The following CLEC4G variants were observed in gnomAD, a reference collection of about 807,000 sequenced individuals.
The protein encoded by CLEC4G is C-type lectin superfamily 4, member G.
In CLEC4G, 34 loss-of-function variants were observed where a neutral mutation model predicts 37.0. The observed-to-expected ratio is 0.92, with a 90% CI of 0.70 to 1.22. The LOEUF is 1.22. Ranked by LOEUF, CLEC4G falls within the 50% of genes most tolerant of loss-of-function variation. The pLI, the probability that CLEC4G is intolerant of heterozygous loss-of-function variation, is 0.00. For missense variants in CLEC4G, 390 were observed against 392.9 expected (o/e 0.99, Z 0.06); for synonymous variants, 167 against 165.6 (o/e 1.01, Z -0.06).
intron 2 of CLEC4G, 108 bp downstream of exon 2, chr19:7,731,553 C>T (rs1292280088): frequency 1.7e-5 from 25 of 1,496,132 alleles, no homozygotes; most frequent in Middle Eastern, 1.7e-4. Context: ...ACTCTGCTCA[C>T]ACTCAGACGC....
chr19:7,731,966 T>C, intron 1 of CLEC4G, 82 bp downstream of exon 1: 5 of 1,463,040 alleles, frequency 3.4e-6, no homozygotes, highest in Non-Finnish European at 4.8e-6. Context: ...CCCACAACCC[T>C]GGCCTGTCTC....
rs1163133650 is a variant in CLEC4G at position 7,730,904 on chromosome 19, C to A, written c.284-45G>T. On this transcript the variant is annotated intron_variant, in intron 4 of 8. Coordinates refer to ENST00000328853, the MANE Select transcript of CLEC4G (RefSeq NM_198492.4). The surrounding 1 kb of genome is among the most constrained non-coding windows in gnomAD (Gnocchi z 7.3). Reference sequence around the variant, plus strand: ...AGGGGCGAGGGCGGCGAGGATGGGGCGGGACTTCGGAGACCAGCCCCCGCC... The same window carrying A: ...AGGGGCGAGGGCGGCGAGGATGGGGAGGGACTTCGGAGACCAGCCCCCGCC... 2.0e-6 allele frequency: 3 copies of A among 1,520,326 alleles called. No individual in the cohort carries two copies. Among genetic ancestry groups the A allele is most frequent in the Non-Finnish European group, 1.8e-6 (2 of 1,139,578 alleles). The allele number at this position is 1,520,326 out of a possible 1,614,324, so 94.2% of individuals were successfully genotyped here. A position where few individuals can be genotyped will look rare whatever the true frequency, so the allele number is the denominator to read the frequency against.
Position 7,729,110 on chromosome 19 carries a change from A to C in CLEC4G, c.*256T>G. On this transcript the variant is annotated 3_prime_UTR_variant, in exon 9 of 9. Coordinates refer to ENST00000328853, the MANE Select transcript of CLEC4G (RefSeq NM_198492.4). ...AAGTGGAGGCATATCACGGGGACGC[A>C]GGAGCAGGGATTTTGGAGCTAGTGG... The C allele has an allele frequency of 9.6e-6, 6 of 621,868 alleles. No homozygotes were observed. Among genetic ancestry groups the C allele is most frequent in the Admixed American group, 2.1e-5 (1 of 47,154 alleles). 38.5% of individuals were successfully genotyped at this position (621,868 alleles called of 1,614,324 possible).
Position 7,731,769 on chromosome 19 carries a change from G to A in CLEC4G, c.58C>T (p.Pro20Ser), listed in dbSNP as rs189211552. ...CTCCAGTGCACCCAGCGTCCCCAGG[G>A]CCCTGGCATAACAAGGACGGCATGC... Reference protein sequence around the residue: ...GGSSEEVPGGPWGRWVHWSRR... With the variant: ...GGSSEEVPGGSWGRWVHWSRR... Residue 20 changes from proline (P) to serine (S), a missense_variant and splice_region_variant, in exon 2 of 9, where the codon CCC becomes TCC. Pro to Ser is a moderately conservative substitution (Grantham distance 74). Coordinates refer to ENST00000328853, the MANE Select transcript of CLEC4G (RefSeq NM_198492.4). 3.4e-5 allele frequency: 55 copies of A among 1,612,786 alleles called. No homozygotes were observed. The South Asian group carries it at 5.3e-4, about 15-fold the overall frequency.
At position 7,731,650 on chromosome 19, in the gene CLEC4G, G is replaced by A; in HGVS notation, c.166+11C>T. 2.5e-6 allele frequency: 4 copies of A among 1,613,030 alleles called. No homozygotes were observed. Among genetic ancestry groups the A allele is most frequent in the Non-Finnish European group, 3.4e-6 (4 of 1,179,526 alleles). ...GCCGGATGCAACACCTCCCCATTGA[G>A]AGTCACTCACCCTTGGACAATAGGA... On this transcript the variant is annotated intron_variant, in intron 2 of 8. Coordinates refer to ENST00000328853, the MANE Select transcript of CLEC4G (RefSeq NM_198492.4).
rs752466608 is a variant in CLEC4G at position 7,730,882 on chromosome 19, G to C, written c.284-23C>G. ...AGCCTGGGAGCCGCAGGGTGAGAGGGGCGAGGGCGGCGAGGATGGGGCGGG... is the reference window on the plus strand; with the variant it reads ...AGCCTGGGAGCCGCAGGGTGAGAGGCGCGAGGGCGGCGAGGATGGGGCGGG... On this transcript the variant is annotated intron_variant, in intron 4 of 8. Transcript: ENST00000328853. The surrounding 1 kb of genome is among the most constrained non-coding windows in gnomAD (Gnocchi z 7.3). The C allele has an allele frequency of 2.0e-6, 3 of 1,526,166 alleles. No homozygotes were observed. Among genetic ancestry groups the C allele is most frequent in the Admixed American group, 4.0e-5 (2 of 50,414 alleles). 94.5% of individuals were successfully genotyped at this position (1,526,166 alleles called of 1,614,324 possible).
At position 7,732,107 on chromosome 19, in the gene CLEC4G, A is replaced by T. The variant is rs2432000; in HGVS notation, c.-5T>A. The stretch of plus-strand genomic sequence containing the variant: ...GCTGTACCTGGTGGTGTCCATGGCG[A>T]TGCAGGCACCCAGTCCTGGGCAGAG... On this transcript the variant is annotated 5_prime_UTR_variant, in exon 1 of 9. Coordinates refer to ENST00000328853, the MANE Select transcript of CLEC4G (RefSeq NM_198492.4). The T allele has an allele frequency of 6.3e-7, 1 of 1,592,394 alleles. No individual in the cohort carries two copies. The highest frequency in any genetic ancestry group is 1.7e-5 in the Admixed American group (1 of 59,994).
In CLEC4G at chr19:7,729,470, C is replaced by T. The variant is rs1000620997; in HGVS notation, c.778G>A (p.Gly260Arg). 1.9e-6 allele frequency: 3 copies of T among 1,606,706 alleles called. No homozygotes were observed. The Admixed American group carries it at 5.0e-5, about 27-fold the overall frequency. The change falls in exon 9 of 9, where the codon GGG (glycine) becomes AGG (arginine). Residue 260 changes from glycine to arginine, a missense_variant. By Grantham distance (125) the Gly-to-Arg change is moderately radical. Coordinates refer to ENST00000328853, the MANE Select transcript of CLEC4G (RefSeq NM_198492.4). Reference sequence around the variant, plus strand: ...AGCATCATGACACAGTTCTCGCGCCCCCAAGCGTCATTGGGCTCTCCCTGG... The same window carrying T: ...AGCATCATGACACAGTTCTCGCGCCTCCAAGCGTCATTGGGCTCTCCCTGG... ...WNQGEPNDAWGRENCVMMLHT... is the reference protein window; with the variant it reads ...WNQGEPNDAWRRENCVMMLHT...
In CLEC4G at chr19:7,730,827, G is replaced by T. The variant is rs1490478466; in HGVS notation, c.316C>A (p.Arg106Ser). The T allele has an allele frequency of 1.3e-6, 2 of 1,532,298 alleles. No homozygotes were observed. Among genetic ancestry groups the T allele is most frequent in the South Asian group, 1.2e-5 (1 of 83,860 alleles). The allele number at this position is 1,532,298 out of a possible 1,614,324, so 94.9% of individuals were successfully genotyped here. A position where few individuals can be genotyped will look rare whatever the true frequency, so the allele number is the denominator to read the frequency against. The change falls in exon 5 of 9, where the codon CGC becomes AGC. Residue 106 changes from arginine (R) to serine (S), a missense_variant. Coordinates refer to ENST00000328853, the MANE Select transcript of CLEC4G (RefSeq NM_198492.4). This position sits in a 1 kb window ranked among gnomAD's most constrained non-coding sequence, Gnocchi z 7.3. ...SGTQAQLQTTRAELGEAQAKL... is the reference protein window; with the variant it reads ...SGTQAQLQTTSAELGEAQAKL... ...GCCTGCGCCTCCCCAAGCTCCGCGC[G>T]CGTGGTCTGCAGCTGCGCCTGCGTC...
At position 7,730,418 on chromosome 19, in the gene CLEC4G, G is replaced by T; in HGVS notation, c.411C>A (p.Ala137=). Residue 137 remains alanine (A), a synonymous_variant, in exon 6 of 9, where the codon GCC becomes GCA. Coordinates refer to ENST00000328853, the MANE Select transcript of CLEC4G (RefSeq NM_198492.4). This position sits in a 1 kb window ranked among gnomAD's most constrained non-coding sequence, Gnocchi z 7.3. ...RERVTQGLAE[A]GRGREDVRTE... ...TGCGGACGTCCTCACGGCCCCTGCC[G>T]GCTTCAGCCAAGCCCTGGGTCACTG... 1 of 1,601,806 alleles carries T rather than the reference G, an allele frequency of 6.2e-7. No homozygotes were observed. The highest frequency in any genetic ancestry group is 8.5e-7 in the Non-Finnish European group (1 of 1,179,868).
chr19:7,731,317 A>C lies in CLEC4G; in HGVS notation c.169T>G (p.Ser57Ala), dbSNP rs1486617445. The stretch of plus-strand genomic sequence containing the variant: ...TCAAGCAGCGCCGCGCGCTCCGTGG[A>C]GGCTGAGGAGAGAGGCTCCTGCAGG... ...VILSILLSKA[S>A]TERAALLDGH... The change falls in exon 3 of 9, where the codon TCC becomes GCC. Residue 57 changes from serine to alanine, a missense_variant and splice_region_variant. Transcript: ENST00000328853. 6.4e-7 allele frequency: 1 copy of C among 1,573,262 alleles called. No individual in the cohort carries two copies. The highest frequency in any genetic ancestry group is 1.3e-5 in the African/African-American group (1 of 74,412).
rs1410090538 is a variant in CLEC4G at position 7,730,329 on chromosome 19, C to G, written c.478+22G>C. The stretch of plus-strand genomic sequence containing the variant: ...TCCGCTTACGCCCTCACAGCCCGCC[C>G]CCGACCCCCCGTCTCGCTCACTGTT... On this transcript the variant is annotated intron_variant, in intron 6 of 8. Coordinates refer to ENST00000328853, the MANE Select transcript of CLEC4G (RefSeq NM_198492.4). The surrounding 1 kb of genome is among the most constrained non-coding windows in gnomAD (Gnocchi z 7.3). 6.5e-7 allele frequency: 1 copy of G among 1,530,994 alleles called. No homozygotes were observed. The highest frequency in any genetic ancestry group is 1.1e-5 in the South Asian group (1 of 88,382). 94.8% of individuals were successfully genotyped at this position (1,530,994 alleles called of 1,614,324 possible). A position where few individuals can be genotyped will look rare whatever the true frequency, so the allele number is the denominator to read the frequency against.
At chr19:7,731,957 C>A in intron 1 of CLEC4G, 91 bp downstream of exon 1, 1 of 1,461,594 alleles carries the variant, frequency 6.8e-7, no homozygotes, top group Non-Finnish European at 9.5e-7. Context: ...TCTCCTGCAC[C>A]CACAACCCTG....
chr19:7,730,071 T>C lies in CLEC4G; in HGVS notation c.575A>G (p.His192Arg). ...PKTTWAAAQD[H>R]CADASAHLVI... ...CAGGTGCGCGCTGGCATCTGCGCAGTGATCCTGCGCCGCCGCCCACGTCGT... is the reference window on the plus strand; with the variant it reads ...CAGGTGCGCGCTGGCATCTGCGCAGCGATCCTGCGCCGCCGCCCACGTCGT... The change falls in exon 7 of 9, where the codon CAC (histidine) becomes CGC (arginine). Residue 192 changes from histidine to arginine, a missense_variant. By Grantham distance (29) the His-to-Arg change is conservative (BLOSUM62 0). Coordinates refer to ENST00000328853, the MANE Select transcript of CLEC4G (RefSeq NM_198492.4). The surrounding 1 kb of genome is among the most constrained non-coding windows in gnomAD (Gnocchi z 7.3). 6.2e-7 allele frequency: 1 copy of C among 1,606,540 alleles called. No homozygotes were observed. The highest frequency in any genetic ancestry group is 1.3e-5 in the African/African-American group (1 of 74,900).
In CLEC4G at chr19:7,730,922, C is replaced by T; in HGVS notation, c.284-63G>A. The T allele has an allele frequency of 2.0e-6, 3 of 1,491,852 alleles. No individual in the cohort carries two copies. The highest frequency in any genetic ancestry group is 1.3e-5 in the South Asian group (1 of 78,532). The allele number at this position is 1,491,852 out of a possible 1,614,324, so 92.4% of individuals were successfully genotyped here. ...GATGGGGCGGGACTTCGGAGACCAGCCCCCGCCCCGCACCACCCGCCGCAG... is the reference window on the plus strand; with the variant it reads ...GATGGGGCGGGACTTCGGAGACCAGTCCCCGCCCCGCACCACCCGCCGCAG... On this transcript the variant is annotated intron_variant, in intron 4 of 8. Transcript: ENST00000328853. This position sits in a 1 kb window ranked among gnomAD's most constrained non-coding sequence, Gnocchi z 7.3.
At position 7,731,708 on chromosome 19, in the gene CLEC4G, A is replaced by G; in HGVS notation, c.119T>C (p.Val40Ala). 6.2e-7 allele frequency: 1 copy of G among 1,614,036 alleles called. No homozygotes were observed. The change falls in exon 2 of 9, where the codon GTC (valine) becomes GCC (alanine). Residue 40 changes from valine (V) to alanine (A), a missense_variant. Val to Ala is a moderately conservative substitution (Grantham distance 64, BLOSUM62 0). Coordinates refer to ENST00000328853, the MANE Select transcript of CLEC4G (RefSeq NM_198492.4). ...AATCACAGCCCAAAGGACTGTGGTG[A>G]CCAGGACAGCCAGGGCCAAGAAGAG... Reference protein sequence around the residue: ...RPLFLALAVLVTTVLWAVILS... With the variant: ...RPLFLALAVLATTVLWAVILS...
chr19:7,729,539 T>A, intron 8 of CLEC4G, 35 bp from the exon 9 acceptor site: 4 of 1,526,954 alleles, frequency 2.6e-6, no homozygotes, highest in Non-Finnish European at 3.6e-6. Flanking sequence ...TTGCTGGGAA[T>A]CTAGACAGAG....
Position 7,730,452 on chromosome 19 carries a change from A to G in CLEC4G, c.389-12T>C, listed in dbSNP as rs765715522. 1 of 1,599,722 alleles carries G rather than the reference A, an allele frequency of 6.3e-7. No homozygotes were observed. The highest frequency in any genetic ancestry group is 8.5e-7 in the Non-Finnish European group (1 of 1,179,612). On this transcript the variant is annotated splice_polypyrimidine_tract_variant and intron_variant, in intron 5 of 8. Coordinates refer to ENST00000328853, the MANE Select transcript of CLEC4G (RefSeq NM_198492.4). The surrounding 1 kb of genome is among the most constrained non-coding windows in gnomAD (Gnocchi z 7.3). ...CAAGCCCTGGGTCACTGCGGGGTCA[A>G]GGGAGCGGGGATTATGGCTGGGGTC...
At position 7,730,339 on chromosome 19, in the gene CLEC4G, C is replaced by T. The variant is rs767722470; in HGVS notation, c.478+12G>A. 2 of 1,596,862 alleles carry T rather than the reference C, an allele frequency of 1.3e-6. No homozygotes were observed. Among genetic ancestry groups the T allele is most frequent in the Non-Finnish European group, 1.7e-6 (2 of 1,176,066 alleles). On this transcript the variant is annotated intron_variant, in intron 6 of 8. Transcript: ENST00000328853. This position sits in a 1 kb window ranked among gnomAD's most constrained non-coding sequence, Gnocchi z 7.3. ...CCCTCACAGCCCGCCCCCGACCCCC[C>T]GTCTCGCTCACTGTTCTGGAGCCTC... is the stretch of plus-strand genomic sequence containing the variant.
Sources: gnomAD v4.1 joint callset for allele counts on GRCh38, gnomAD v4.1.1 for gene constraint, Gnocchi (gnomAD v3.1) non-coding constraint, MANE v1.5 for transcripts, NCBI Gene and HGNC (gene_info 2026-07-23, HGNC 2026-07-21) for gene names.